The following KIAA0319L variants were observed in gnomAD, a reference collection of about 807,000 sequenced individuals.
The protein encoded by KIAA0319L is KIAA0319 like.
A neutral mutation model predicts 120.1 loss-of-function variants in KIAA0319L; 55 were observed. The observed-to-expected ratio is 0.46, with a 90% CI of 0.37 to 0.57. KIAA0319L has a LOEUF of 0.57. Ranked by LOEUF, KIAA0319L falls within the 20% of genes least tolerant of loss-of-function variation. The pLI, the probability that KIAA0319L is intolerant of heterozygous loss-of-function variation, is 0.00. For synonymous variants in KIAA0319L, 398 were observed against 471.9 expected (o/e 0.84, Z 2.03); for missense variants, 1,049 against 1,255.3 (o/e 0.84, Z 2.48).
At chr1:35,547,608 T>C (rs1181296107) in intron 2 of KIAA0319L, among the ~76,000 whole-genome samples, 1 of 152,158 alleles carries the variant, frequency 6.6e-6, no homozygotes, top group Non-Finnish European at 1.5e-5. Context: ...ACCTTGGAAA[T>C]ATTATGCTAA....
At position 35,535,580 on chromosome 1, in the gene KIAA0319L, G is replaced by A. The variant is rs181435008; in HGVS notation, c.142+18770C>T. Among the ~76,000 whole-genome samples, 64 of 152,170 alleles carry A rather than the reference G, an allele frequency of 4.2e-4. 1 individual carries two copies. The highest frequency in any genetic ancestry group is 1.5e-3 in the African/African-American group (64 of 41,510). On this transcript the variant is annotated intron_variant, in intron 2 of 20. Coordinates refer to ENST00000325722, the MANE Select transcript of KIAA0319L (RefSeq NM_024874.5). ...ATTTTAACAGTACCTACCCTACAGA[G>A]TTATTAAAGATATAAAGGAGAAAAT... is the stretch of plus-strand genomic sequence containing the variant.
In KIAA0319L at chr1:35,496,946, C is replaced by CAAAAAAAA. The variant is rs1558484218; in HGVS notation, c.666+9665_666+9666insTTTTTTTT. Among the ~76,000 whole-genome samples the CAAAAAAAA allele has an allele frequency of 6.2e-5, 4 of 64,370 alleles. 2 individuals are homozygous for CAAAAAAAA. Among genetic ancestry groups the CAAAAAAAA allele is most frequent in the African/African-American group, 4.9e-4 (4 of 8,196 alleles). 42.2% of individuals were successfully genotyped at this position (64,370 alleles called of 152,430 possible). A position where few individuals can be genotyped will look rare whatever the true frequency, so the allele number is the denominator to read the frequency against. On this transcript the variant is annotated intron_variant, in intron 3 of 20. Transcript: ENST00000325722. ...TGAGCAACAGAGTGAGATTGTGTCT[C>CAAAAAAAA]CAAAAAAAAAAAAAAAAAAAAAAAG... is the stretch of plus-strand genomic sequence containing the variant.
intron 9 of KIAA0319L, among the ~76,000 whole-genome samples, chr1:35,458,701 T>C (rs1558333444): frequency 6.6e-6 from 1 of 152,224 alleles, no homozygotes; most frequent in African/African-American, 2.4e-5. Flanking sequence ...AATGCAATAC[T>C]GCCAGCAAAG....
At chr1:35,515,216 A>T (rs1645630142) in intron 2 of KIAA0319L, among the ~76,000 whole-genome samples, 1 of 151,664 alleles carries the variant, frequency 6.6e-6, no homozygotes, top group Admixed American at 6.6e-5. Flanking sequence ...GGAGGCTGAG[A>T]TAGGAGAATT....
chr1:35,481,147 T>C (rs1644146949), intron 3 of KIAA0319L, among the ~76,000 whole-genome samples: 1 of 152,232 alleles, frequency 6.6e-6, no homozygotes, highest in Non-Finnish European at 1.5e-5. Flanking sequence ...TATTACTGAG[T>C]AGTTTTCCAT....
At chr1:35,529,016 T>C (rs1025482001) in intron 2 of KIAA0319L, among the ~76,000 whole-genome samples, 5 of 152,206 alleles carry the variant, frequency 3.3e-5, no homozygotes, top group African/African-American at 1.2e-4. Flanking sequence ...GAGTTTCTTG[T>C]AGGCAGCATA....
At chr1:35,448,026 CAG>C (rs1641765216) in intron 16 of KIAA0319L, 145 bp downstream of exon 16, 1 of 756,904 alleles carries the variant, frequency 1.3e-6, no homozygotes, top group African/African-American at 1.8e-5. Flanking sequence ...CACTAGAAGA[CAG>C]AAGTCTATTG....
chr1:35,444,395 A>G, intron 16 of KIAA0319L, 92 bp from the exon 17 acceptor site: 1 of 1,266,742 alleles, frequency 7.9e-7, no homozygotes. Context: ...TTTGTGACAG[A>G]CACTGTGCTA....
chr1:35,468,501 C>T (rs1233386941), intron 6 of KIAA0319L, among the ~76,000 whole-genome samples: 1 of 152,160 alleles, frequency 6.6e-6, no homozygotes, highest in Non-Finnish European at 1.5e-5. Flanking sequence ...ACTAACAGGA[C>T]AACTCAATTC....
chr1:35,478,259 G>A (rs552260286), intron 4 of KIAA0319L, among the ~76,000 whole-genome samples: 3 of 148,848 alleles, frequency 2.0e-5, no homozygotes, highest in Non-Finnish European at 4.5e-5. Context: ...CAGAGGCTGC[G>A]AAGGGTAGTG....
chr1:35,499,207 T>G (rs1002730273), intron 3 of KIAA0319L, among the ~76,000 whole-genome samples: 2 of 152,168 alleles, frequency 1.3e-5, no homozygotes, highest in African/African-American at 4.8e-5. Context: ...CCATCAACTC[T>G]TGCTTCGTAG....
At chr1:35,512,463 A>G (rs553600842) in intron 2 of KIAA0319L, among the ~76,000 whole-genome samples, 1 of 152,118 alleles carries the variant, frequency 6.6e-6, no homozygotes, top group Non-Finnish European at 1.5e-5. Context: ...ACAATAGAGA[A>G]AAATCAAGGA....
chr1:35,533,587 T>C lies in KIAA0319L; in HGVS notation c.142+20763A>G, dbSNP rs531751771. The C allele has an allele frequency of 3.9e-5, 6 of 152,350 alleles. No individual in the cohort carries two copies. In the South Asian group the frequency reaches 1.2e-3, roughly 32 times the overall value. 9.4% of individuals were successfully genotyped at this position (152,350 alleles called of 1,614,324 possible). On this transcript the variant is annotated intron_variant, in intron 2 of 20. Transcript: ENST00000325722. ...TCATTCAAAGCTTTCCCTTGATAATTATACCTATAAATGAACTATTATCAA... is the reference window on the plus strand; with the variant it reads ...TCATTCAAAGCTTTCCCTTGATAATCATACCTATAAATGAACTATTATCAA...
intron 2 of KIAA0319L, among the ~76,000 whole-genome samples, chr1:35,526,035 G>C (rs752161361): frequency 2.0e-5 from 3 of 151,914 alleles, no homozygotes; most frequent in Admixed American, 6.6e-5. Flanking sequence ...AGGGGCTCTA[G>C]TTTCATTCTT....
intron 3 of KIAA0319L, among the ~76,000 whole-genome samples, chr1:35,500,790 A>G (rs1203520426): frequency 6.6e-6 from 1 of 152,184 alleles, no homozygotes; most frequent in Non-Finnish European, 1.5e-5. Flanking sequence ...TTCTCTCCCA[A>G]AAGAAATGCC....
At position 35,434,720 on chromosome 1, in the gene KIAA0319L, C is replaced by T. The variant is rs1640649766; in HGVS notation, c.*174G>A. 7 of 581,664 alleles carry T rather than the reference C, an allele frequency of 1.2e-5. No homozygotes were observed. The highest frequency in any genetic ancestry group is 4.5e-5 in the South Asian group (2 of 44,160). The allele number at this position is 581,664 out of a possible 1,614,324, so 36.0% of individuals were successfully genotyped here. A position where few individuals can be genotyped will look rare whatever the true frequency, so the allele number is the denominator to read the frequency against. On this transcript the variant is annotated 3_prime_UTR_variant, in exon 21 of 21. Transcript: ENST00000325722. ...GAGGAAACCTCTTCATTCACAGCTT[C>T]GTTGAGGGGTTCCTGGAGGACGTCT...
At chr1:35,524,637 A>G (rs752216487) in intron 2 of KIAA0319L, among the ~76,000 whole-genome samples, 2 of 152,182 alleles carry the variant, frequency 1.3e-5, no homozygotes, top group African/African-American at 2.4e-5. Flanking sequence ...GACAAACTGG[A>G]TCCTTTGCCT....
At chr1:35,470,492 C>CAAAAAAAAAAAAAAAAAAAAAAAAAA (rs34215571) in intron 6 of KIAA0319L, among the ~76,000 whole-genome samples, 1 of 73,436 alleles carries the variant, frequency 1.4e-5, no homozygotes, top group Admixed American at 1.7e-4. Context: ...GACCCTGTCT[C>CAAAAAAAAAAAAAAAAAAAAAAAAAA]AAAAAAAAAA....
At chr1:35,457,557 T>C (rs1163563471) in intron 9 of KIAA0319L, among the ~76,000 whole-genome samples, 1 of 151,996 alleles carries the variant, frequency 6.6e-6, no homozygotes, top group Non-Finnish European at 1.5e-5. Context: ...GAGCAGGCTT[T>C]TACCTAAATG....
Sources: gnomAD v4.1 joint callset for allele counts (sites outside exome capture counted in the v4.1 genomes callset) on GRCh38, gnomAD v4.1.1 for gene constraint, MANE v1.5 for transcripts, NCBI Gene and HGNC (gene_info 2026-07-23, HGNC 2026-07-21) for gene names.